Variants in B3GALNT2 observed in about 807,000 individuals in gnomAD.
B3GALNT2 encodes the protein beta-1,3-N-acetylgalactosaminyltransferase 2.
In B3GALNT2, 53 loss-of-function variants were observed where a neutral mutation model predicts 61.1. The observed-to-expected ratio is 0.87, with a 90% confidence interval of 0.70 to 1.09. The LOEUF is 1.09. B3GALNT2 is among the 50% of genes least tolerant of loss of function. The pLI is 0.00. For missense variants in B3GALNT2, 544 were observed against 623.0 expected, an observed-to-expected ratio of 0.87 and a Z score of 1.35; for synonymous variants, 223 against 237.4, an observed-to-expected ratio of 0.94 and a Z score of 0.56.
At chr1:235,443,133 TTC>T (rs1394888779), downstream of B3GALNT2, among the ~76,000 whole-genome samples, 5 of 151,872 alleles carry the variant, frequency 3.3e-5, no homozygotes, top group South Asian at 4.2e-4. Context: ...CTGAAAGCAG[TTC>T]TGTTAAAATT....
In B3GALNT2 at chr1:235,504,305, G is replaced by A. The variant is rs957685451; in HGVS notation, c.-53C>T. ...TCCCGCGTCCCGGCGGAGAGGGAGG[G>A]GACCTGCAAGTGCGGAGACTGAGGG... On this transcript the variant is annotated 5_prime_UTR_variant, in exon 1 of 12. Coordinates refer to ENST00000366600, the MANE Select transcript of B3GALNT2 (RefSeq NM_152490.5). The A allele has an allele frequency of 1.8e-5, 26 of 1,467,158 alleles. No homozygotes were observed. The highest frequency in any genetic ancestry group is 2.2e-5 in the Non-Finnish European group (24 of 1,113,986). The allele number at this position is 1,467,158 out of a possible 1,614,324, so 90.9% of individuals were successfully genotyped here.
chr1:235,448,914 T>C lies in B3GALNT2; in HGVS notation c.*1292A>G. 4.5e-6 allele frequency: 3 copies of C among 669,370 alleles called. No individual in the cohort carries two copies. The highest frequency in any genetic ancestry group is 8.1e-6 in the Non-Finnish European group (3 of 369,964). 41.5% of individuals were successfully genotyped at this position (669,370 alleles called of 1,614,324 possible). A position where few individuals can be genotyped will look rare whatever the true frequency, so the allele number is the denominator to read the frequency against. Reference sequence around the variant, plus strand: ...AAGGGATGTATTTTTTGTTGGGAAGTGACCATTTCTAGGCTTATACATAAT... The same window carrying C: ...AAGGGATGTATTTTTTGTTGGGAAGCGACCATTTCTAGGCTTATACATAAT... On this transcript the variant is annotated 3_prime_UTR_variant, in exon 12 of 12. Coordinates refer to ENST00000366600, the MANE Select transcript of B3GALNT2 (RefSeq NM_152490.5).
intron 11 of B3GALNT2, among the ~76,000 whole-genome samples, chr1:235,452,784 G>A (rs1181644635): frequency 6.6e-6 from 1 of 152,000 alleles, no homozygotes. Context: ...GAACTCCTGG[G>A]CTCAAGTGAT....
intron 6 of B3GALNT2, among the ~76,000 whole-genome samples, chr1:235,469,551 AT>A (rs543963283): frequency 2.0e-5 from 3 of 150,860 alleles, no homozygotes; most frequent in Non-Finnish European, 3.0e-5. Flanking sequence ...CTTATTTTCT[AT>A]TTTTTTTTGT....
At chr1:235,489,091 A>G in intron 3 of B3GALNT2, 77 bp downstream of exon 3, 4 of 1,503,822 alleles carry the variant, frequency 2.7e-6, no homozygotes, top group Non-Finnish European at 3.5e-6. Flanking sequence ...ATAAAAACAG[A>G]CTCCATACTA....
At chr1:235,491,084 T>TAAA (rs34246434) in intron 2 of B3GALNT2, among the ~76,000 whole-genome samples, 1 of 138,928 alleles carries the variant, frequency 7.2e-6, no homozygotes, top group African/African-American at 2.7e-5. Context: ...AGTGAATAGT[T>TAAA]AAAAAAAAAA....
At chr1:235,446,953 G>A (rs1253785398), downstream of B3GALNT2, among the ~76,000 whole-genome samples, 1 of 152,170 alleles carries the variant, frequency 6.6e-6, no homozygotes, top group African/African-American at 2.4e-5. Flanking sequence ...GGGGTTACAG[G>A]TGTGAGCAGG....
At chr1:235,447,002 CTT>C (rs1244297445), downstream of B3GALNT2, among the ~76,000 whole-genome samples, 1 of 152,078 alleles carries the variant, frequency 6.6e-6, no homozygotes, top group East Asian at 1.9e-4. Context: ...TATGACCAAA[CTT>C]TTTGTTTCTG....
At chr1:235,464,831 A>G (rs993858871) in intron 7 of B3GALNT2, 3 of 152,218 alleles carry the variant, frequency 2.0e-5, no homozygotes, top group African/African-American at 7.2e-5. Context: ...AATGCTCAAC[A>G]TCATTAGTTA....
chr1:235,458,346 T>C (rs1683262667), intron 8 of B3GALNT2, among the ~76,000 whole-genome samples: 1 of 152,186 alleles, frequency 6.6e-6, no homozygotes, highest in Non-Finnish European at 1.5e-5. Flanking sequence ...GGTTTGTTTT[T>C]ATTTGCTGAA....
At chr1:235,459,322 C>G (rs1222509097) in intron 7 of B3GALNT2, among the ~76,000 whole-genome samples, 2 of 152,138 alleles carry the variant, frequency 1.3e-5, no homozygotes, top group Non-Finnish European at 2.9e-5. Context: ...ACACTCAAAA[C>G]TATGTTATTT....
Position 235,448,625 on chromosome 1 carries a change from G to A in B3GALNT2, c.*1581C>T. The A allele has an allele frequency of 2.6e-6, 4 of 1,535,198 alleles. No individual in the cohort carries two copies. The highest frequency in any genetic ancestry group is 3.6e-6 in the Non-Finnish European group (4 of 1,108,834). On this transcript the variant is annotated 3_prime_UTR_variant, in exon 12 of 12. Transcript: ENST00000366600. ...AGAGTATGTGTAGCATGCTTTATCG[G>A]ATCTGTCTTAATCACATCCTTCCCC...
At chr1:235,489,081 A>G in intron 3 of B3GALNT2, 87 bp downstream of exon 3, 1 of 1,453,476 alleles carries the variant, frequency 6.9e-7, no homozygotes, top group Non-Finnish European at 9.1e-7. Context: ...ATAATAAAAA[A>G]TAAAAACAGA....
chr1:235,447,198 A>G lies in B3GALNT2; in HGVS notation c.*3008T>C, dbSNP rs1682404879. ...AAATTCTATTAACTGTATTCAATAC[A>G]TACAAAAAGGCCAGTTTTTATTCTA... On this transcript the variant is annotated 3_prime_UTR_variant, in exon 12 of 12. Coordinates refer to ENST00000366600, the MANE Select transcript of B3GALNT2 (RefSeq NM_152490.5). Among the ~76,000 whole-genome samples the G allele has an allele frequency of 6.6e-6, 1 of 152,244 alleles. No individual in the cohort carries two copies. The highest frequency in any genetic ancestry group is 2.4e-5 in the African/African-American group (1 of 41,472).
intron 5 of B3GALNT2, 177 bp downstream of exon 5, chr1:235,479,877 T>A (rs1332758157): frequency 8.9e-7 from 1 of 1,126,220 alleles, no homozygotes; most frequent in Admixed American, 3.3e-5. Context: ...CATGAAGTCC[T>A]CAGGAGGTTT....
chr1:235,477,308 C>T (rs1177828820), intron 5 of B3GALNT2, among the ~76,000 whole-genome samples: 1 of 152,144 alleles, frequency 6.6e-6, no homozygotes, highest in Non-Finnish European at 1.5e-5. Flanking sequence ...TCCACACACA[C>T]TTTTCTGTTG....
In B3GALNT2 at chr1:235,494,785, A is replaced by G. The variant is rs1483757642; in HGVS notation, c.156T>C (p.Asp52=). Reference sequence around the variant, plus strand: ...GAGCTGACAACACGCCAACTACCACATCATAGTGAGTAGATTTCCACTGAG... The same window carrying G: ...GAGCTGACAACACGCCAACTACCACGTCATAGTGAGTAGATTTCCACTGAG... ...LFPQWKSTHY[D]VVVGVLSARN... The change falls in exon 2 of 12, where the codon GAT becomes GAC. Residue 52 remains aspartate, a synonymous_variant. Transcript: ENST00000366600. 2 of 1,611,244 alleles carry G rather than the reference A, an allele frequency of 1.2e-6. No homozygotes were observed. Among genetic ancestry groups the G allele is most frequent in the Non-Finnish European group, 1.7e-6 (2 of 1,177,480 alleles).
chr1:235,465,034 AAC>A (rs1683616812), intron 7 of B3GALNT2: 1 of 152,252 alleles, frequency 6.6e-6, no homozygotes, highest in African/African-American at 2.4e-5. Context: ...CAAGTGATTA[AAC>A]ACACAATTAT....
chr1:235,494,791 G>C lies in B3GALNT2; in HGVS notation c.150C>G (p.His50Gln), dbSNP rs774499951. The change falls in exon 2 of 12, where the codon CAC (histidine) becomes CAG (glutamine). Residue 50 changes from histidine to glutamine, a missense_variant. Coordinates refer to ENST00000366600, the MANE Select transcript of B3GALNT2 (RefSeq NM_152490.5). ...LALFPQWKST[H>Q]YDVVVGVLSA... ...ACAACACGCCAACTACCACATCATA[G>C]TGAGTAGATTTCCACTGAGGAAATA... 1 of 1,611,232 alleles carries C rather than the reference G, an allele frequency of 6.2e-7. No individual in the cohort carries two copies. The highest frequency in any genetic ancestry group is 1.7e-4 in the Middle Eastern group (1 of 6,052).
Sources: gnomAD v4.1 joint callset for allele counts (sites outside exome capture counted in the v4.1 genomes callset) on GRCh38, gnomAD v4.1.1 for gene constraint, MANE v1.5 for transcripts, NCBI Gene and HGNC (gene_info 2026-07-23, HGNC 2026-07-21) for gene names.